The following HIRA variants were observed in gnomAD, a reference collection of about 807,000 sequenced individuals.
The protein encoded by HIRA is protein HIRA.
Under a neutral mutation model 126.6 loss-of-function variants are expected in HIRA, and 13 were observed. The ratio of observed to expected loss-of-function variants is 0.10; its 90% CI spans 0.07 to 0.16. The LOEUF is 0.16. Among genes scored for constraint, HIRA ranks in the 10% least tolerant of loss-of-function variants. HIRA has a pLI of 1.00. For synonymous variants in HIRA, 511 were observed against 520.0 expected (o/e 0.98, Z 0.24); for missense variants, 834 against 1,314.4 (o/e 0.63, Z 5.65).
intron 13 of HIRA, among the ~76,000 whole-genome samples, chr22:19,379,442 T>C (rs943043351): frequency 4.6e-5 from 7 of 150,662 alleles, no homozygotes; most frequent in Admixed American, 1.3e-4. Flanking sequence ...CTGGCCAACA[T>C]GGTGAAACCC....
At chr22:19,355,948 T>C (rs1423708253) in intron 20 of HIRA, 83 bp from the exon 21 acceptor site, 11 of 988,706 alleles carry the variant, frequency 1.1e-5, no homozygotes, top group Non-Finnish European at 1.7e-5. Context: ...ATCTGTACTC[T>C]AGGCTCCCAC....
intron 18 of HIRA, among the ~76,000 whole-genome samples, chr22:19,357,766 G>A (rs2088826658): frequency 6.6e-6 from 1 of 152,142 alleles, no homozygotes; most frequent in Non-Finnish European, 1.5e-5. Context: ...GCCACCCAGA[G>A]CCCTGCTTTG....
rs143340588 is a variant in HIRA at position 19,429,203 on chromosome 22, T to A, written c.37+2237A>T. Among the ~76,000 whole-genome samples, 1,110 of 136,942 alleles carry A rather than the reference T, an allele frequency of 8.1e-3. 34 individuals carry two copies. Among genetic ancestry groups the A allele is most frequent in the East Asian group, 0.067 (299 of 4,452 alleles). The allele number at this position is 136,942 out of a possible 152,430, so 89.8% of individuals were successfully genotyped here. ...ATCAGGCTGGAGTGCAGTGGCGCGA[T>A]CTCGGCTCACTGCAACCTCTACCTC... On this transcript the variant is annotated intron_variant, in intron 1 of 24. Coordinates refer to ENST00000263208, the MANE Select transcript of HIRA (RefSeq NM_003325.4).
At chr22:19,383,922 T>C (rs2089099731) in intron 12 of HIRA, among the ~76,000 whole-genome samples, 1 of 152,126 alleles carries the variant, frequency 6.6e-6, no homozygotes, top group South Asian at 2.1e-4. Flanking sequence ...TAACTTAAAC[T>C]TTATACCCTT....
chr22:19,386,188 C>T (rs2089125408), intron 11 of HIRA, among the ~76,000 whole-genome samples: 1 of 152,182 alleles, frequency 6.6e-6, no homozygotes, highest in East Asian at 1.9e-4. Flanking sequence ...GTTGGAAGTC[C>T]CCATTGGCCT....
At position 19,392,150 on chromosome 22, in the gene HIRA, G is replaced by A. The variant is rs1221254749; in HGVS notation, c.887C>T (p.Pro296Leu). The change falls in exon 9 of 25, where the codon CCG becomes CTG. Residue 296 changes from proline (P) to leucine (L), a missense_variant. Transcript: ENST00000263208. The stretch of plus-strand genomic sequence containing the variant: ...GCTGCCAACAGCACAGCAGCAGTAC[G>A]GGCAGCTAGGCTTCGCAGAACTCCC... ...KNGSSAKPSC[P>L]YCCCAVGSKD... 1.2e-6 allele frequency: 2 copies of A among 1,608,386 alleles called. No individual in the cohort carries two copies. Among genetic ancestry groups the A allele is most frequent in the African/African-American group, 1.3e-5 (1 of 75,024 alleles).
At chr22:19,405,265 T>C (rs2089299067) in intron 5 of HIRA, among the ~76,000 whole-genome samples, 1 of 152,192 alleles carries the variant, frequency 6.6e-6, no homozygotes, top group Admixed American at 6.5e-5. Context: ...CAAGTCTAAA[T>C]TGCACTCAAC....
Position 19,351,082 on chromosome 22 carries a change from T to C in HIRA, c.2937+276A>G. The C allele has an allele frequency of 1.0e-6, 1 of 979,052 alleles. No homozygotes were observed. The highest frequency in any genetic ancestry group is 1.2e-6 in the Non-Finnish European group (1 of 824,160). 60.6% of individuals were successfully genotyped at this position (979,052 alleles called of 1,614,324 possible). On this transcript the variant is annotated intron_variant, in intron 24 of 24. Transcript: ENST00000263208. This position sits in a 1 kb window ranked among gnomAD's most constrained non-coding sequence, Gnocchi z 4.8. ...AAGGCAGGGAAGTACCTTCCGTCTT[T>C]TGTCTTCACAACCAAGCCCAGAGCC...
intron 9 of HIRA, among the ~76,000 whole-genome samples, chr22:19,390,007 AAATTAATGT>A (rs1474515232): frequency 6.6e-6 from 1 of 152,018 alleles, no homozygotes; most frequent in Non-Finnish European, 1.5e-5. Flanking sequence ...AAAAAAAAAA[AAATTAATGT>A]GTGTGCACTT....
chr22:19,349,971 T>C (rs1173093896), intron 24 of HIRA, among the ~76,000 whole-genome samples: 6 of 152,150 alleles, frequency 3.9e-5, no homozygotes, highest in African/African-American at 1.4e-4. Context: ...ATCTGTTTGT[T>C]TGGCCTTTCC....
chr22:19,415,884 A>G (rs9618561), intron 1 of HIRA, among the ~76,000 whole-genome samples: 12,663 of 152,254 alleles, frequency 0.083, 1,767 homozygotes, highest in African/African-American at 0.29. Context: ...AAATAAAAAA[A>G]AAAATCGATC....
At chr22:19,384,329 A>AG in intron 12 of HIRA, among the ~76,000 whole-genome samples, 1 of 151,346 alleles carries the variant, frequency 6.6e-6, no homozygotes, top group Admixed American at 6.6e-5. Flanking sequence ...TCTCAAAAAA[A>AG]AAAAAAAAAA....
At chr22:19,352,685 A>G (rs1373395464) in intron 23 of HIRA, among the ~76,000 whole-genome samples, 3 of 152,194 alleles carry the variant, frequency 2.0e-5, no homozygotes, top group Non-Finnish European at 4.4e-5. Flanking sequence ...TTTTTTCTAA[A>G]TTATAATCAA....
At position 19,412,873 on chromosome 22, in the gene HIRA, G is replaced by C. The variant is rs116307060; in HGVS notation, c.38-2095C>G. ...AGGCATTAGGCTAAGCAATGAGAAAGTAAAGATACATAATCATACAAACTC... is the reference window on the plus strand; with the variant it reads ...AGGCATTAGGCTAAGCAATGAGAAACTAAAGATACATAATCATACAAACTC... On this transcript the variant is annotated intron_variant, in intron 1 of 24. Transcript: ENST00000263208. 8.4e-3 allele frequency among the ~76,000 whole-genome samples: 1,283 copies of C among 152,320 alleles called. 25 individuals carry two copies. The highest frequency in any genetic ancestry group is 0.029 in the African/African-American group (1,201 of 41,562).
At chr22:19,356,854 G>A in intron 19 of HIRA, 36 bp downstream of exon 19, 2 of 1,608,216 alleles carry the variant, frequency 1.2e-6, no homozygotes, top group Admixed American at 1.7e-5. Flanking sequence ...GTCCTGCCCT[G>A]GCTGAAGCCC....
chr22:19,353,160 C>T (rs1468037329), intron 23 of HIRA, among the ~76,000 whole-genome samples, 196 bp downstream of exon 23: 13 of 152,224 alleles, frequency 8.5e-5, no homozygotes, highest in African/African-American at 2.9e-4. Context: ...GGAACACCCT[C>T]AGGGTCACTC....
intron 17 of HIRA, among the ~76,000 whole-genome samples, chr22:19,360,501 C>T (rs971535683): frequency 6.6e-6 from 1 of 152,184 alleles, no homozygotes; most frequent in African/African-American, 2.4e-5. Context: ...GTAGGAAGGG[C>T]TGACGCCTGC....
At chr22:19,412,226 A>G (rs1210643453) in intron 1 of HIRA, among the ~76,000 whole-genome samples, 1 of 152,158 alleles carries the variant, frequency 6.6e-6, no homozygotes. Flanking sequence ...GAAGAGGCCC[A>G]AGCTGGCCAC....
rs574874299 is a variant in HIRA at position 19,348,386 on chromosome 22, C to T, written c.2937+2972G>A. Among the ~76,000 whole-genome samples the T allele has an allele frequency of 3.9e-5, 6 of 152,218 alleles. No individual in the cohort carries two copies. The South Asian group carries it at 1.2e-3, about 32-fold the overall frequency. On this transcript the variant is annotated intron_variant, in intron 24 of 24. Coordinates refer to ENST00000263208, the MANE Select transcript of HIRA (RefSeq NM_003325.4). ...AATAGATCTGCAAAGGCTCCTGATACTAGAATTATCAGACATAAAACTTTA... is the reference window on the plus strand; with the variant it reads ...AATAGATCTGCAAAGGCTCCTGATATTAGAATTATCAGACATAAAACTTTA...
Sources: gnomAD v4.1 joint callset for allele counts (sites outside exome capture counted in the v4.1 genomes callset) on GRCh38, gnomAD v4.1.1 for gene constraint, Gnocchi (gnomAD v3.1) non-coding constraint, MANE v1.5 for transcripts, NCBI Gene and HGNC (gene_info 2026-07-23, HGNC 2026-07-21) for gene names.